The following TENM1 variants were observed in gnomAD, a reference collection of about 807,000 sequenced individuals.
TENM1 encodes teneurin transmembrane protein 1.
Under a neutral mutation model 174.8 loss-of-function variants are expected in TENM1, and 35 were observed. The observed-to-expected ratio is 0.20, with a 90% CI of 0.15 to 0.27. TENM1 has a LOEUF of 0.27. Ranked by LOEUF, TENM1 falls within the 10% of genes least tolerant of loss-of-function variation. TENM1 has a pLI of 1.00. For missense variants in TENM1, 1,633 were observed against 2,130.1 expected, an observed-to-expected ratio of 0.77 and a Z score of 4.59; for synonymous variants, 781 against 798.7, an observed-to-expected ratio of 0.98 and a Z score of 0.37.
chrX:124,789,156 C>T (rs904321247), intron 3 of TENM1, among the ~76,000 whole-genome samples: 1 of 111,499 alleles, frequency 9.0e-6, no homozygotes, highest in African/African-American at 3.3e-5. Flanking sequence ...ATCCACAGCC[C>T]GAGTTGTACC....
chrX:124,482,349 T>C (rs780805485), intron 21 of TENM1, among the ~76,000 whole-genome samples: 2 of 110,325 alleles, frequency 1.8e-5, no homozygotes, highest in Non-Finnish European at 3.8e-5. Flanking sequence ...AGTTACTTTC[T>C]TTTCCTGCTT....
intron 25 of TENM1, among the ~76,000 whole-genome samples, chrX:124,406,831 G>C (rs1486861435): frequency 9.0e-6 from 1 of 111,433 alleles, no homozygotes; most frequent in Admixed American, 9.6e-5. Context: ...GATCCCATTA[G>C]AGGTGATGGA....
At chrX:124,468,177 CT>C (rs1039132782) in intron 22 of TENM1, among the ~76,000 whole-genome samples, 11 of 105,750 alleles carry the variant, frequency 1.0e-4, no homozygotes, top group Non-Finnish European at 2.2e-4. Context: ...ATATCTCTTT[CT>C]TTTTTTTTTC....
At chrX:125,127,610 G>T in the TENM1 span, among the ~76,000 whole-genome samples, 7 of 111,231 alleles carry the variant, frequency 6.3e-5, no homozygotes, top group African/African-American at 2.3e-4. Context: ...ATTCAACATG[G>T]TACATTGGAG....
the TENM1 span, among the ~76,000 whole-genome samples, chrX:124,998,083 T>C: frequency 9.9e-6 from 1 of 101,050 alleles, no homozygotes; most frequent in Non-Finnish European, 2.0e-5. Context: ...GAGAGTTTCA[T>C]TTTAGAGAAA....
intron 11 of TENM1, among the ~76,000 whole-genome samples, chrX:124,586,042 C>T (rs374211382): frequency 7.3e-5 from 8 of 109,911 alleles, no homozygotes; most frequent in South Asian, 3.9e-4. Context: ...GTGGCAATAA[C>T]CAATAGCTTA....
intron 16 of TENM1, among the ~76,000 whole-genome samples, chrX:124,525,997 G>A (rs750671839): frequency 1.8e-5 from 2 of 111,799 alleles, no homozygotes; most frequent in East Asian, 5.6e-4. Context: ...ATCTCCATGA[G>A]CAGATACTGA....
intron 5 of TENM1, among the ~76,000 whole-genome samples, chrX:124,674,117 TTAGAGC>T (rs2051994849): frequency 9.2e-6 from 1 of 108,887 alleles, no homozygotes; most frequent in Non-Finnish European, 1.9e-5. Flanking sequence ...CTGGAGGATA[TTAGAGC>T]TAGAAAAAGA....
chrX:124,489,237 A>T (rs1025161897), intron 20 of TENM1, among the ~76,000 whole-genome samples: 1 of 112,762 alleles, frequency 8.9e-6, no homozygotes, highest in Admixed American at 9.3e-5. Flanking sequence ...AGGAGAAAGA[A>T]ATGGAATTTC....
chrX:124,435,020 T>C (rs908381798), intron 23 of TENM1, among the ~76,000 whole-genome samples: 2 of 111,486 alleles, frequency 1.8e-5, no homozygotes, highest in South Asian at 3.9e-4. Context: ...GGGATACACA[T>C]ACAGAAGGAG....
chrX:125,170,162 CT>C, the TENM1 span, among the ~76,000 whole-genome samples: 11 of 111,487 alleles, frequency 9.9e-5, no homozygotes, highest in East Asian at 2.8e-3. Flanking sequence ...CCCACTGAGC[CT>C]TAAGAGTCAC....
intron 11 of TENM1, among the ~76,000 whole-genome samples, chrX:124,630,620 C>A (rs1365254667): frequency 8.9e-6 from 1 of 111,883 alleles, no homozygotes; most frequent in African/African-American, 3.3e-5. Context: ...TATGGAAAGT[C>A]AGAGCTGTGC....
the TENM1 span, among the ~76,000 whole-genome samples, chrX:125,159,059 C>T: frequency 3.6e-5 from 4 of 111,105 alleles, no homozygotes; most frequent in African/African-American, 1.3e-4. Flanking sequence ...GATTCTGAGA[C>T]ACAAAAGAGG....
intron 18 of TENM1, among the ~76,000 whole-genome samples, chrX:124,508,696 A>AT (rs1451932763): frequency 1.8e-5 from 2 of 111,487 alleles, no homozygotes; most frequent in Non-Finnish European, 3.8e-5. Context: ...ATATTATGAG[A>AT]TTTTTTTCTG....
chrX:125,145,713 A>T, the TENM1 span, among the ~76,000 whole-genome samples: 13 of 112,268 alleles, frequency 1.2e-4, no homozygotes, highest in Non-Finnish European at 2.4e-4. Flanking sequence ...AGCTGGGGGA[A>T]ATCGAGCAGA....
chrX:124,446,480 T>C (rs2060966408), intron 23 of TENM1, among the ~76,000 whole-genome samples: 1 of 112,620 alleles, frequency 8.9e-6, no homozygotes, highest in Non-Finnish European at 1.9e-5. Flanking sequence ...TAGGACTTAA[T>C]GATCTGCTAA....
At chrX:124,849,389 T>C (rs958587797) in intron 3 of TENM1, among the ~76,000 whole-genome samples, 1 of 110,977 alleles carries the variant, frequency 9.0e-6, no homozygotes, top group African/African-American at 3.3e-5. Flanking sequence ...ATTTTACTAG[T>C]ATGTAGTAAA....
At chrX:125,010,182 C>G in the TENM1 span, among the ~76,000 whole-genome samples, 1 of 111,507 alleles carries the variant, frequency 9.0e-6, no homozygotes, top group East Asian at 2.8e-4. Context: ...AGCAAAGTCT[C>G]AAAATATAAA....
intron 27 of TENM1, among the ~76,000 whole-genome samples, chrX:124,393,165 T>C (rs761191336): frequency 1.9e-4 from 21 of 110,850 alleles, no homozygotes; most frequent in Non-Finnish European, 3.8e-4. Flanking sequence ...CTGGATTCCA[T>C]GAAAGACAGT....
Sources: allele counts gnomAD v4.1 joint callset (sites outside exome capture counted in the v4.1 genomes callset), GRCh38; gene constraint gnomAD v4.1.1; transcripts MANE v1.5; gene names NCBI Gene and HGNC (gene_info 2026-07-23, HGNC 2026-07-21).